Variants in AFG2A observed in about 807,000 individuals in gnomAD.
AFG2A encodes AAA ATPase AFG2A.
the AFG2A span, among the ~76,000 whole-genome samples, chr4:123,049,171 T>A: frequency 4.5e-4 from 69 of 152,208 alleles, no homozygotes; most frequent in Admixed American, 2.0e-4. Context: ...GTTTATTGAT[T>A]CGCATATGTT....
chr4:122,988,379 G>T, the AFG2A span, among the ~76,000 whole-genome samples: 1 of 141,422 alleles, frequency 7.1e-6, no homozygotes, highest in Non-Finnish European at 1.5e-5. Flanking sequence ...CTCCAGATTT[G>T]GGAAATTTTC....
the AFG2A span, among the ~76,000 whole-genome samples, chr4:123,284,036 G>A: frequency 6.6e-6 from 1 of 151,996 alleles, no homozygotes; most frequent in Non-Finnish European, 1.5e-5. Flanking sequence ...TGGCAATTAT[G>A]ATCACTTACA....
chr4:123,244,186 G>A, the AFG2A span, among the ~76,000 whole-genome samples: 2 of 152,092 alleles, frequency 1.3e-5, no homozygotes, highest in South Asian at 2.1e-4. Context: ...AGGACTGACG[G>A]AACTCAGAAA....
At chr4:122,956,751 T>A in the AFG2A span, among the ~76,000 whole-genome samples, 2 of 152,218 alleles carry the variant, frequency 1.3e-5, no homozygotes, top group African/African-American at 4.8e-5. Flanking sequence ...AGATTAGTGT[T>A]CTAATTACAG....
chr4:123,081,605 G>A, the AFG2A span, among the ~76,000 whole-genome samples: 1 of 152,180 alleles, frequency 6.6e-6, no homozygotes, highest in Non-Finnish European at 1.5e-5. Context: ...CTGTGTGCAA[G>A]TTTTTTGTGG....
chr4:123,255,138 AT>A, the AFG2A span, among the ~76,000 whole-genome samples: 4 of 151,816 alleles, frequency 2.6e-5, no homozygotes, highest in African/African-American at 9.7e-5. Context: ...TAATTTTTGT[AT>A]TTTTTTGTAG....
the AFG2A span, among the ~76,000 whole-genome samples, chr4:123,266,113 C>T: frequency 1.3e-5 from 2 of 151,964 alleles, no homozygotes; most frequent in African/African-American, 2.4e-5. Flanking sequence ...TGATGGAAGG[C>T]TGATTTCTAA....
At chr4:123,075,433 G>C in the AFG2A span, among the ~76,000 whole-genome samples, 1 of 151,714 alleles carries the variant, frequency 6.6e-6, no homozygotes. Flanking sequence ...CGAGTAGCTG[G>C]GATTACAGGC....
At chr4:123,015,852 G>A in the AFG2A span, among the ~76,000 whole-genome samples, 2 of 34,090 alleles carry the variant, frequency 5.9e-5, no homozygotes, top group Non-Finnish European at 1.1e-4. Context: ...GGCTGGCCGG[G>A]CGGGGGGCTG....
At chr4:123,272,902 A>G in the AFG2A span, among the ~76,000 whole-genome samples, 1 of 152,148 alleles carries the variant, frequency 6.6e-6, no homozygotes, top group East Asian at 1.9e-4. Context: ...GAACATGTTT[A>G]TAGGTTGAAG....
the AFG2A span, among the ~76,000 whole-genome samples, chr4:123,103,792 C>T: frequency 0.61 from 93,197 of 151,576 alleles, 32,877 homozygotes; most frequent in East Asian, 0.96. Flanking sequence ...CATGTCCATA[C>T]AGTGAAATAC....
chr4:122,994,200 C>G, the AFG2A span, among the ~76,000 whole-genome samples: 1 of 151,848 alleles, frequency 6.6e-6, no homozygotes, highest in Non-Finnish European at 1.5e-5. Context: ...ATTTTTAATC[C>G]ATGTTCAGTG....
chr4:123,231,298 A>G, the AFG2A span, among the ~76,000 whole-genome samples: 1 of 152,150 alleles, frequency 6.6e-6, no homozygotes, highest in Non-Finnish European at 1.5e-5. Flanking sequence ...CAATTTCTGT[A>G]TCATCACTTG....
the AFG2A span, among the ~76,000 whole-genome samples, chr4:123,311,495 C>T: frequency 6.6e-6 from 1 of 151,872 alleles, no homozygotes; most frequent in Non-Finnish European, 1.5e-5. Context: ...GGCGTGGTGG[C>T]ACGCGCCCGT....
At chr4:122,929,313 A>G in the AFG2A span, 1 of 1,171,192 alleles carries the variant, frequency 8.5e-7, no homozygotes, top group Non-Finnish European at 1.1e-6. Flanking sequence ...TTTAAAAAGT[A>G]GAGAGAAACA....
the AFG2A span, among the ~76,000 whole-genome samples, chr4:123,110,056 G>GT: frequency 6.6e-6 from 1 of 151,974 alleles, no homozygotes. Flanking sequence ...GCTACATGTA[G>GT]TTTTTTCTTG....
the AFG2A span, among the ~76,000 whole-genome samples, chr4:123,312,526 A>G: frequency 6.6e-6 from 1 of 152,236 alleles, no homozygotes. Flanking sequence ...ACCATTGGAT[A>G]GCCAGTTTAC....
At chr4:123,113,641 A>T in the AFG2A span, among the ~76,000 whole-genome samples, 2 of 152,188 alleles carry the variant, frequency 1.3e-5, no homozygotes, top group Non-Finnish European at 2.9e-5. Flanking sequence ...CAGTTTTCAT[A>T]TGTAAATTCT....
At chr4:123,086,337 A>G in the AFG2A span, among the ~76,000 whole-genome samples, 28 of 152,304 alleles carry the variant, frequency 1.8e-4, no homozygotes, top group Admixed American at 1.7e-3. Flanking sequence ...AATAGTTTAA[A>G]TATTTCGCTT....
Sources: gnomAD v4.1 joint callset for allele counts (sites outside exome capture counted in the v4.1 genomes callset) on GRCh38, gnomAD v4.1.1 for gene constraint, MANE v1.5 for transcripts, NCBI Gene and HGNC (gene_info 2026-07-23, HGNC 2026-07-21) for gene names.